The following THSD7B variants were observed in gnomAD, a reference collection of about 807,000 sequenced individuals.
THSD7B encodes the protein thrombospondin type-1 domain-containing protein 7B.
Under a neutral mutation model 213.6 loss-of-function variants are expected in THSD7B, and 138 were observed. The observed-to-expected ratio is 0.65, with a 90% CI of 0.56 to 0.74. The LOEUF is 0.74. Ranked by LOEUF, THSD7B falls within the 30% of genes least tolerant of loss-of-function variation. THSD7B has a pLI of 0.00. For missense variants in THSD7B, 1,931 were observed against 1,991.5 expected, an observed-to-expected ratio of 0.97 and a Z score of 0.58; for synonymous variants, 742 against 687.0, an observed-to-expected ratio of 1.08 and a Z score of -1.25.
intron 2 of THSD7B, among the ~76,000 whole-genome samples, chr2:136,977,561 G>A (rs1395467143): frequency 6.6e-6 from 1 of 151,930 alleles, no homozygotes; most frequent in Non-Finnish European, 1.5e-5. Flanking sequence ...TAAGGAGGTT[G>A]ATTTGAGATC....
At chr2:136,790,377 T>G (rs905024450) in intron 1 of THSD7B, among the ~76,000 whole-genome samples, 1 of 152,078 alleles carries the variant, frequency 6.6e-6, no homozygotes, top group Admixed American at 6.6e-5. Context: ...CTAGATATTA[T>G]TAAAAACCTA....
intron 2 of THSD7B, among the ~76,000 whole-genome samples, chr2:136,915,423 G>T (rs539968499): frequency 6.6e-6 from 1 of 152,294 alleles, no homozygotes; most frequent in Admixed American, 6.5e-5. Flanking sequence ...AAGTATCACA[G>T]AGTTTTTAGG....
At chr2:137,261,710 A>G (rs1262196864) in intron 10 of THSD7B, among the ~76,000 whole-genome samples, 1 of 152,144 alleles carries the variant, frequency 6.6e-6, no homozygotes, top group South Asian at 2.1e-4. Context: ...GCTAAAATTT[A>G]TGGTTAAAAA....
intron 1 of THSD7B, among the ~76,000 whole-genome samples, chr2:136,809,988 C>G (rs59840611): frequency 1.3e-5 from 2 of 152,206 alleles, no homozygotes; most frequent in Middle Eastern, 3.4e-3. Flanking sequence ...CAGGCAGCAC[C>G]CTTTTTGCAG....
intron 3 of THSD7B, among the ~76,000 whole-genome samples, chr2:137,084,767 C>T (rs541833452): frequency 1.3e-5 from 2 of 152,268 alleles, no homozygotes; most frequent in South Asian, 4.1e-4. Flanking sequence ...GTTGAACAAC[C>T]TGCATCAAAC....
At chr2:137,058,860 C>T (rs1473525376) in intron 3 of THSD7B, among the ~76,000 whole-genome samples, 3 of 152,088 alleles carry the variant, frequency 2.0e-5, no homozygotes, top group Non-Finnish European at 2.9e-5. Context: ...AGAGAGAACC[C>T]ACCAGAATGT....
intron 1 of THSD7B, among the ~76,000 whole-genome samples, chr2:136,835,374 G>T (rs1340966409): frequency 1.3e-5 from 2 of 152,146 alleles, no homozygotes; most frequent in Non-Finnish European, 2.9e-5. Context: ...TTGAAATAAG[G>T]TTATTAACAT....
intron 12 of THSD7B, among the ~76,000 whole-genome samples, chr2:137,398,647 G>T (rs1686264158): frequency 1.3e-5 from 2 of 152,062 alleles, no homozygotes; most frequent in South Asian, 4.1e-4. Flanking sequence ...CAGAGGTGGA[G>T]CCTACAGAGG....
intron 2 of THSD7B, among the ~76,000 whole-genome samples, chr2:137,037,773 C>T (rs1686804930): frequency 6.6e-6 from 1 of 151,966 alleles, no homozygotes; most frequent in Non-Finnish European, 1.5e-5. Context: ...GTAGCATAAA[C>T]AGTGTAGTTT....
intron 2 of THSD7B, among the ~76,000 whole-genome samples, chr2:136,939,432 T>C (rs776645235): frequency 6.6e-5 from 10 of 152,204 alleles, no homozygotes; most frequent in Non-Finnish European, 1.0e-4. Flanking sequence ...CCATTACCTG[T>C]AGTAAATAAT....
At chr2:136,875,079 C>T (rs1334392007) in intron 1 of THSD7B, among the ~76,000 whole-genome samples, 1 of 152,214 alleles carries the variant, frequency 6.6e-6, no homozygotes, top group Non-Finnish European at 1.5e-5. Flanking sequence ...CCAGGCATTT[C>T]GGGAAGAGAG....
chr2:137,447,309 A>C (rs1183380575), intron 14 of THSD7B, among the ~76,000 whole-genome samples: 1 of 152,134 alleles, frequency 6.6e-6, no homozygotes, highest in Non-Finnish European at 1.5e-5. Context: ...TCTACTTCAA[A>C]TTCTGCTTTA....
chr2:137,399,540 G>A (rs1686302464), intron 12 of THSD7B, among the ~76,000 whole-genome samples: 1 of 152,122 alleles, frequency 6.6e-6, no homozygotes, highest in Non-Finnish European at 1.5e-5. Flanking sequence ...TGGCCTGTGA[G>A]TATTCTGCTG....
chr2:136,858,544 A>ATC (rs1683210249), intron 1 of THSD7B, among the ~76,000 whole-genome samples: 1 of 152,190 alleles, frequency 6.6e-6, no homozygotes, highest in African/African-American at 2.4e-5. Context: ...CACTATTTAG[A>ATC]TAGTGATACT....
chr2:137,611,523 G>A (rs964800875), intron 17 of THSD7B, among the ~76,000 whole-genome samples: 7 of 152,050 alleles, frequency 4.6e-5, no homozygotes, highest in Non-Finnish European at 8.8e-5. Flanking sequence ...TTATAAGGCA[G>A]TTATAAGGAT....
At chr2:137,509,796 A>C (rs1014716841) in intron 15 of THSD7B, among the ~76,000 whole-genome samples, 10 of 152,176 alleles carry the variant, frequency 6.6e-5, no homozygotes, top group Non-Finnish European at 1.5e-4. Context: ...AGGTGAAATA[A>C]AGACTGTGGT....
At chr2:137,481,065 T>C (rs1688296069) in intron 15 of THSD7B, among the ~76,000 whole-genome samples, 1 of 152,234 alleles carries the variant, frequency 6.6e-6, no homozygotes, top group Non-Finnish European at 1.5e-5. Context: ...AAAATAACTT[T>C]TAAGCTGCCA....
At chr2:137,186,270 A>G (rs374913452) in intron 7 of THSD7B, among the ~76,000 whole-genome samples, 1 of 152,160 alleles carries the variant, frequency 6.6e-6, no homozygotes, top group South Asian at 2.1e-4. Context: ...TTTTGTTGCA[A>G]TTGCTTTTAA....
intron 3 of THSD7B, among the ~76,000 whole-genome samples, chr2:137,073,547 A>G (rs887139947): frequency 6.6e-6 from 1 of 152,074 alleles, no homozygotes; most frequent in African/African-American, 2.4e-5. Flanking sequence ...TCCTGGATTC[A>G]TTGATTTTTG....
Sources: allele counts gnomAD v4.1 joint callset (sites outside exome capture counted in the v4.1 genomes callset), GRCh38; gene constraint gnomAD v4.1.1; transcripts MANE v1.5; gene names NCBI Gene and HGNC (gene_info 2026-07-23, HGNC 2026-07-21).